ITGB6: variants seen among roughly 807,000 people sequenced by gnomAD.
ITGB6 encodes the protein integrin subunit beta 6.
ITGB6 carries 80 observed loss-of-function variants against 84.5 expected under a neutral mutation model. That is an observed-to-expected ratio of 0.95 (90% CI 0.79 to 1.14). ITGB6 has a LOEUF of 1.14. ITGB6 is among the 50% of genes most tolerant of loss of function. The probability of loss-of-function intolerance (pLI) is 0.00; values close to 1 mark genes in which losing one functional copy is unlikely to be tolerated. For missense variants in ITGB6, 1,006 were observed against 968.0 expected (o/e 1.04, Z -0.52); for synonymous variants, 383 against 354.9 (o/e 1.08, Z -0.89).
At chr2:160,162,871 C>T (rs578261475) in intron 7 of ITGB6, among the ~76,000 whole-genome samples, 3 of 152,158 alleles carry the variant, frequency 2.0e-5, no homozygotes, top group South Asian at 2.1e-4. Context: ...CCACCCACCT[C>T]GGCCCCCAAA....
intron 4 of ITGB6, among the ~76,000 whole-genome samples, chr2:160,191,798 G>A (rs1686153499): frequency 6.6e-6 from 1 of 152,126 alleles, no homozygotes; most frequent in African/African-American, 2.4e-5. Context: ...TAGAACTAAT[G>A]AGAAAATTTA....
rs377057257 is a variant in ITGB6 at position 160,123,378 on chromosome 2, C to T, written c.1981+413G>A. ...AGTATCTTGGAGCCACCATCTGGAACACTGTTTTACAGTTGGCTTTATCTT... is the reference window on the plus strand; with the variant it reads ...AGTATCTTGGAGCCACCATCTGGAATACTGTTTTACAGTTGGCTTTATCTT... On this transcript the variant is annotated intron_variant, in intron 12 of 14. Transcript: ENST00000283249. Among the ~76,000 whole-genome samples, 7 of 152,264 alleles carry T rather than the reference C, an allele frequency of 4.6e-5. No homozygotes were observed. The South Asian group carries it at 1.5e-3, about 32-fold the overall frequency.
intron 7 of ITGB6, among the ~76,000 whole-genome samples, chr2:160,165,115 G>T (rs1038836725): frequency 4.6e-5 from 7 of 152,196 alleles, no homozygotes; most frequent in Admixed American, 2.6e-4. Flanking sequence ...TAATCCAGAA[G>T]TGGTCGTTTT....
intron 14 of ITGB6, among the ~76,000 whole-genome samples, chr2:160,107,329 T>C (rs1013585921): frequency 2.6e-5 from 4 of 152,164 alleles, no homozygotes; most frequent in Admixed American, 2.6e-4. Context: ...TGTTTAGATA[T>C]AGCACCCGTG....
At chr2:160,116,392 A>T (rs1211333656) in intron 12 of ITGB6, among the ~76,000 whole-genome samples, 1 of 151,026 alleles carries the variant, frequency 6.6e-6, no homozygotes, top group East Asian at 1.9e-4. Context: ...TCAACCCAGA[A>T]TTTCATATCC....
At chr2:160,162,367 CAT>C (rs912385448) in intron 7 of ITGB6, among the ~76,000 whole-genome samples, 14 of 151,778 alleles carry the variant, frequency 9.2e-5, no homozygotes, top group African/African-American at 1.5e-4. Context: ...TATATGTGTA[CAT>C]ATATATATGT....
intron 14 of ITGB6, among the ~76,000 whole-genome samples, chr2:160,102,402 A>G (rs1244159314): frequency 6.6e-6 from 1 of 152,226 alleles, no homozygotes; most frequent in Non-Finnish European, 1.5e-5. Context: ...GGAGTGAGGA[A>G]CCATCCTCTG....
At chr2:160,167,493 G>A (rs755374922) in intron 7 of ITGB6, among the ~76,000 whole-genome samples, 6 of 152,186 alleles carry the variant, frequency 3.9e-5, no homozygotes, top group Non-Finnish European at 5.9e-5. Context: ...TGAATTTAGT[G>A]AAGGCTGGAT....
At chr2:160,106,131 T>A (rs1224757516) in intron 14 of ITGB6, among the ~76,000 whole-genome samples, 2 of 152,232 alleles carry the variant, frequency 1.3e-5, no homozygotes, top group African/African-American at 4.8e-5. Flanking sequence ...GGATATTTTC[T>A]AGCAATGTCA....
At chr2:160,182,773 A>G (rs903047502) in intron 4 of ITGB6, among the ~76,000 whole-genome samples, 3 of 152,262 alleles carry the variant, frequency 2.0e-5, no homozygotes, top group African/African-American at 7.2e-5. Context: ...AGAGAAGCCC[A>G]TCAGACTAAC....
chr2:160,111,599 GTTT>G (rs35948673), intron 13 of ITGB6, among the ~76,000 whole-genome samples: 2 of 134,534 alleles, frequency 1.5e-5, no homozygotes, highest in Non-Finnish European at 1.6e-5. Context: ...CATCTTAGCT[GTTT>G]TTTTTTTTTT....
At chr2:160,133,175 C>T (rs1266239513) in intron 10 of ITGB6, among the ~76,000 whole-genome samples, 1 of 152,078 alleles carries the variant, frequency 6.6e-6, no homozygotes. Context: ...ACCCATCTCA[C>T]TGCAAAGACA....
intron 10 of ITGB6, among the ~76,000 whole-genome samples, chr2:160,130,411 G>A (rs761851767): frequency 1.3e-5 from 2 of 151,816 alleles, no homozygotes; most frequent in African/African-American, 2.4e-5. Flanking sequence ...GATTATGTCG[G>A]GATAAACTCA....
chr2:160,190,620 G>T (rs1686106105), intron 4 of ITGB6, among the ~76,000 whole-genome samples: 1 of 152,136 alleles, frequency 6.6e-6, no homozygotes, highest in Non-Finnish European at 1.5e-5. Flanking sequence ...ACATTGCTTG[G>T]TACATAGTTG....
At chr2:160,114,678 G>A (rs906893917) in intron 12 of ITGB6, among the ~76,000 whole-genome samples, 38 of 152,252 alleles carry the variant, frequency 2.5e-4, no homozygotes, top group Non-Finnish European at 4.1e-4. Flanking sequence ...TGCGCGCACC[G>A]TGCGCGAGCC....
chr2:160,113,045 T>C lies in ITGB6; in HGVS notation c.1982-846A>G, dbSNP rs115531428. On this transcript the variant is annotated intron_variant, in intron 12 of 14. Transcript: ENST00000283249. ...CTTAACTGTTCTCCTATCTTTTAAGTTGGAGACTTTTCAATGATGGTTACA... is the reference window on the plus strand; with the variant it reads ...CTTAACTGTTCTCCTATCTTTTAAGCTGGAGACTTTTCAATGATGGTTACA... Among the ~76,000 whole-genome samples the C allele has an allele frequency of 9.8e-3, 1,498 of 152,360 alleles. 12 individuals carry two copies. Among genetic ancestry groups the C allele is most frequent in the Non-Finnish European group, 0.015 (996 of 68,030 alleles).
At chr2:160,137,209 G>A (rs923390754) in intron 10 of ITGB6, among the ~76,000 whole-genome samples, 3 of 152,132 alleles carry the variant, frequency 2.0e-5, no homozygotes, top group Admixed American at 6.6e-5. Flanking sequence ...TACGCTTAGG[G>A]AAACAATAAT....
At chr2:160,149,976 TC>T (rs1222035830) in intron 7 of ITGB6, among the ~76,000 whole-genome samples, 2 of 152,186 alleles carry the variant, frequency 1.3e-5, no homozygotes, top group African/African-American at 4.8e-5. Context: ...CAAATCTATG[TC>T]TGATTGGTGT....
At chr2:160,191,699 G>A (rs558259105) in intron 4 of ITGB6, among the ~76,000 whole-genome samples, 11 of 152,192 alleles carry the variant, frequency 7.2e-5, no homozygotes, top group African/African-American at 2.4e-4. Flanking sequence ...GAAAGAAGAA[G>A]CATAGATATT....
Sources: allele counts gnomAD v4.1 joint callset (sites outside exome capture counted in the v4.1 genomes callset), GRCh38; gene constraint gnomAD v4.1.1; transcripts MANE v1.5; gene names NCBI Gene and HGNC (gene_info 2026-07-23, HGNC 2026-07-21).